UNC5D: variants seen among roughly 807,000 people sequenced by gnomAD.
UNC5D encodes netrin receptor UNC5D.
A neutral mutation model predicts 105.4 loss-of-function variants in UNC5D; 39 were observed. The ratio of observed to expected loss-of-function variants is 0.37; its 90% confidence interval spans 0.29 to 0.48. UNC5D has a LOEUF of 0.48. UNC5D is among the 20% of genes least tolerant of loss of function. UNC5D has a pLI of 0.98. For synonymous variants in UNC5D, 452 were observed against 450.4 expected (o/e 1.00, Z -0.04); for missense variants, 991 against 1,202.4 (o/e 0.82, Z 2.60).
chr8:35,467,529 T>C (rs1809389257), intron 1 of UNC5D, among the ~76,000 whole-genome samples: 1 of 148,662 alleles, frequency 6.7e-6, no homozygotes, highest in Non-Finnish European at 1.5e-5. Context: ...ATCCAGAACC[T>C]TTATATTTGA....
rs545317818 is a variant in UNC5D, at chr8:35,793,509, A to G, written c.*2946A>G. 2.5e-4 allele frequency: 40 copies of G among 160,562 alleles called. No individual in the cohort carries two copies. The highest frequency in any genetic ancestry group is 4.8e-4 in the Non-Finnish European group (35 of 73,110). 9.9% of individuals were successfully genotyped at this position (160,562 alleles called of 1,614,324 possible). A position where few individuals can be genotyped will look rare whatever the true frequency, so the allele number is the denominator to read the frequency against. On this transcript the variant is annotated 3_prime_UTR_variant, in exon 17 of 17. Coordinates refer to ENST00000404895, the MANE Select transcript of UNC5D (RefSeq NM_080872.4). ...GGTAAGTTACTTAAAATTTTTACAAAAATATCCCACTCAATGCCAAATCTT... is the reference window on the plus strand; with the variant it reads ...GGTAAGTTACTTAAAATTTTTACAAGAATATCCCACTCAATGCCAAATCTT...
intron 1 of UNC5D, among the ~76,000 whole-genome samples, chr8:35,413,272 T>TGC: frequency 5.0e-5 from 1 of 19,862 alleles, no homozygotes; most frequent in South Asian, 5.5e-3. Context: ...TGTGTGTGTG[T>TGC]GTGTGTGTGT....
At chr8:35,487,027 G>T (rs1009338253) in intron 1 of UNC5D, among the ~76,000 whole-genome samples, 4 of 152,062 alleles carry the variant, frequency 2.6e-5, no homozygotes, top group African/African-American at 9.7e-5. Flanking sequence ...GGTCACTAAG[G>T]CATAACTAAG....
chr8:35,382,767 C>T (rs974895605), intron 1 of UNC5D, among the ~76,000 whole-genome samples: 3 of 152,110 alleles, frequency 2.0e-5, no homozygotes, highest in African/African-American at 4.8e-5. Flanking sequence ...TGCTTGGATT[C>T]CAGAATGCTG....
rs1297487700 is a variant in UNC5D at position 35,275,379 on chromosome 8, A to G, written c.103+39492A>G. 3.9e-5 allele frequency among the ~76,000 whole-genome samples: 6 copies of G among 152,036 alleles called. No homozygotes were observed. The East Asian group carries it at 1.2e-3, about 29-fold the overall frequency. ...TAATGTGTCCTAATGTCAGGTAAAG[A>G]GTGTTGAAAAAAAATTCCATAAATA... On this transcript the variant is annotated intron_variant, in intron 1 of 16. Coordinates refer to ENST00000404895, the MANE Select transcript of UNC5D (RefSeq NM_080872.4).
chr8:35,688,264 A>G (rs1030838956), intron 7 of UNC5D, among the ~76,000 whole-genome samples: 4 of 152,068 alleles, frequency 2.6e-5, no homozygotes, highest in African/African-American at 4.8e-5. Context: ...AAAAGATACC[A>G]TAGCTTACAA....
intron 1 of UNC5D, among the ~76,000 whole-genome samples, chr8:35,277,374 A>AT (rs1805847728): frequency 6.6e-6 from 1 of 152,076 alleles, no homozygotes; most frequent in Non-Finnish European, 1.5e-5. Context: ...TTTTTGGAGC[A>AT]TTTTCTCAAT....
chr8:35,397,582 G>C (rs1563377564), intron 1 of UNC5D, among the ~76,000 whole-genome samples: 1 of 152,198 alleles, frequency 6.6e-6, no homozygotes, highest in African/African-American at 2.4e-5. Flanking sequence ...CATGCATTGA[G>C]TAGGTGCTTT....
chr8:35,318,873 C>A (rs769203501), intron 1 of UNC5D, among the ~76,000 whole-genome samples: 2 of 152,000 alleles, frequency 1.3e-5, no homozygotes, highest in Non-Finnish European at 2.9e-5. Context: ...GTAACCTATC[C>A]ATTACGAGTG....
intron 16 of UNC5D, among the ~76,000 whole-genome samples, chr8:35,776,968 C>T (rs1802276495): frequency 6.6e-6 from 1 of 152,076 alleles, no homozygotes; most frequent in African/African-American, 2.4e-5. Context: ...AAAGAATTAA[C>T]AAATTAGCCG....
At chr8:35,480,276 T>C (rs1810395069) in intron 1 of UNC5D, among the ~76,000 whole-genome samples, 1 of 152,172 alleles carries the variant, frequency 6.6e-6, no homozygotes, top group Non-Finnish European at 1.5e-5. Context: ...GTAATATATG[T>C]ATTGCCACTT....
At chr8:35,618,864 G>C (rs1014806681) in intron 4 of UNC5D, among the ~76,000 whole-genome samples, 1 of 152,084 alleles carries the variant, frequency 6.6e-6, no homozygotes. Context: ...ATTATGGCAG[G>C]GTTGTGTCTT....
intron 1 of UNC5D, among the ~76,000 whole-genome samples, chr8:35,446,793 A>C (rs1297580650): frequency 6.6e-6 from 1 of 152,100 alleles, no homozygotes; most frequent in African/African-American, 2.4e-5. Flanking sequence ...ATTGCCTAAC[A>C]CAGTGACTCT....
chr8:35,597,112 A>C (rs1038506156), intron 4 of UNC5D, among the ~76,000 whole-genome samples: 2 of 152,216 alleles, frequency 1.3e-5, no homozygotes, highest in Non-Finnish European at 1.5e-5. Context: ...AGGACAAAAA[A>C]GGAGATAAAA....
intron 1 of UNC5D, among the ~76,000 whole-genome samples, chr8:35,274,119 TA>T (rs748543899): frequency 1.4e-4 from 21 of 152,176 alleles, no homozygotes; most frequent in Non-Finnish European, 2.6e-4. Context: ...CTTGTCTTTG[TA>T]AAGTTCAAAA....
At chr8:35,276,997 T>C (rs903852135) in intron 1 of UNC5D, among the ~76,000 whole-genome samples, 3 of 152,196 alleles carry the variant, frequency 2.0e-5, no homozygotes, top group Admixed American at 6.5e-5. Context: ...TCAGAACTTA[T>C]AGATTAAAAG....
chr8:35,272,743 G>A (rs533659928), intron 1 of UNC5D, among the ~76,000 whole-genome samples: 3 of 152,278 alleles, frequency 2.0e-5, no homozygotes, highest in African/African-American at 7.2e-5. Context: ...TTCTACATAA[G>A]ATTGCAGTTT....
intron 16 of UNC5D, among the ~76,000 whole-genome samples, chr8:35,776,954 C>T (rs1802275797): frequency 6.6e-6 from 1 of 152,114 alleles, no homozygotes; most frequent in Admixed American, 6.6e-5. Flanking sequence ...AACCCTGTAT[C>T]TACAAAGAAT....
intron 1 of UNC5D, among the ~76,000 whole-genome samples, chr8:35,274,191 A>G (rs1041013849): frequency 6.6e-6 from 1 of 152,164 alleles, no homozygotes; most frequent in Non-Finnish European, 1.5e-5. Flanking sequence ...ATCAGAATAT[A>G]TAAGTTCCTC....
Sources: gnomAD v4.1 joint callset for allele counts (sites outside exome capture counted in the v4.1 genomes callset) on GRCh38, gnomAD v4.1.1 for gene constraint, MANE v1.5 for transcripts, NCBI Gene and HGNC (gene_info 2026-07-23, HGNC 2026-07-21) for gene names.